The following NCOA1 variants were observed in gnomAD, a reference collection of about 807,000 sequenced individuals.
The protein encoded by NCOA1 is nuclear receptor coactivator 1, also known as Hin-2 protein.
In NCOA1, 35 loss-of-function variants were observed where a neutral mutation model predicts 150.9. That is an observed-to-expected ratio of 0.23 (90% CI 0.18 to 0.31). NCOA1 has a LOEUF of 0.31. NCOA1 is among the 10% of genes least tolerant of loss of function. The pLI is 1.00. For synonymous variants in NCOA1, 590 were observed against 630.0 expected (o/e 0.94, Z 0.95); for missense variants, 1,491 against 1,749.3 (o/e 0.85, Z 2.63).
intron 1 of NCOA1, among the ~76,000 whole-genome samples, chr2:24,497,122 G>C (rs896181965): frequency 9.9e-5 from 15 of 152,182 alleles, no homozygotes; most frequent in Non-Finnish European, 2.1e-4. Flanking sequence ...GGGAAGTTAA[G>C]TGGCTGGCGT....
chr2:24,493,383 A>G (rs141560389), intron 1 of NCOA1, among the ~76,000 whole-genome samples: 229 of 152,372 alleles, frequency 1.5e-3, no homozygotes, highest in African/African-American at 5.1e-3. Context: ...ACTGCTGCTT[A>G]TAAGAACAGG....
intron 3 of NCOA1, among the ~76,000 whole-genome samples, chr2:24,602,955 C>T (rs775090869): frequency 2.3e-4 from 35 of 152,086 alleles, no homozygotes; most frequent in Admixed American, 3.3e-4. Context: ...GGTTTTACTG[C>T]GTATGTATCT....
Position 24,769,167 on chromosome 2 carries a change from G to A in NCOA1, c.*776G>A. The A allele has an allele frequency of 5.0e-6, 1 of 200,948 alleles. No homozygotes were observed. The allele number at this position is 200,948 out of a possible 1,614,324, so 12.4% of individuals were successfully genotyped here. On this transcript the variant is annotated 3_prime_UTR_variant, in exon 23 of 23. Transcript: ENST00000348332. ...ATTAAATCTGGAAAAATAAAAGGCA[G>A]CCTGTTTTTTCTGCTTTTATTGTAT... is the stretch of plus-strand genomic sequence containing the variant.
At chr2:24,616,385 A>C (rs1001040428) in intron 3 of NCOA1, among the ~76,000 whole-genome samples, 7 of 152,192 alleles carry the variant, frequency 4.6e-5, no homozygotes, top group Non-Finnish European at 1.0e-4. Flanking sequence ...ATCTTTCTCC[A>C]ATGTTCCCAA....
At chr2:24,543,805 A>G (rs55847928) in intron 1 of NCOA1, among the ~76,000 whole-genome samples, 8,105 of 152,230 alleles carry the variant, frequency 0.053, 298 homozygotes, top group East Asian at 0.2. Context: ...CCTGAAAGCA[A>G]TGTTAGGGCA....
intron 11 of NCOA1, among the ~76,000 whole-genome samples, chr2:24,699,657 A>C (rs1331454463): frequency 6.6e-6 from 1 of 152,234 alleles, no homozygotes; most frequent in Non-Finnish European, 1.5e-5. Context: ...TGGAGATTCT[A>C]AACAACCTGA....
chr2:24,563,737 T>C (rs1376798028), intron 1 of NCOA1, among the ~76,000 whole-genome samples: 1 of 152,154 alleles, frequency 6.6e-6, no homozygotes, highest in Non-Finnish European at 1.5e-5. Flanking sequence ...AGGCTGGTCT[T>C]GAACTCCTGA....
intron 14 of NCOA1, among the ~76,000 whole-genome samples, chr2:24,720,878 G>A (rs1674328623): frequency 6.6e-6 from 1 of 152,026 alleles, no homozygotes; most frequent in Admixed American, 6.6e-5. Flanking sequence ...GTTTGTGCCC[G>A]CCCAGGAAAA....
chr2:24,621,927 G>T (rs12467454), intron 3 of NCOA1, among the ~76,000 whole-genome samples: 122,744 of 152,150 alleles, frequency 0.81, 51,435 homozygotes, highest in East Asian at 0.99. Flanking sequence ...ATGTTTGACC[G>T]TATACTGTTA....
intron 13 of NCOA1, 47 bp downstream of exon 13, chr2:24,707,935 T>G: frequency 6.5e-7 from 1 of 1,534,842 alleles, no homozygotes; most frequent in Non-Finnish European, 8.7e-7. Context: ...AGTAATTTTT[T>G]TTTTCATTTA....
chr2:24,727,187 A>G (rs1662722450), intron 15 of NCOA1, among the ~76,000 whole-genome samples: 3 of 151,472 alleles, frequency 2.0e-5, no homozygotes, highest in African/African-American at 7.3e-5. Flanking sequence ...AGGGAAAGAC[A>G]CTGAATTAAA....
intron 20 of NCOA1, among the ~76,000 whole-genome samples, chr2:24,753,376 A>C (rs1664342964): frequency 6.6e-6 from 1 of 152,122 alleles, no homozygotes; most frequent in South Asian, 2.1e-4. Flanking sequence ...GGGGAAAAAA[A>C]AAAACAGTCA....
chr2:24,724,361 G>C (rs184337133), intron 14 of NCOA1, among the ~76,000 whole-genome samples: 33 of 152,268 alleles, frequency 2.2e-4, no homozygotes, highest in African/African-American at 7.0e-4. Context: ...CAAAGAGAGA[G>C]AGCCTGTGTA....
chr2:24,640,402 A>G lies in NCOA1; in HGVS notation c.-174-3564A>G, dbSNP rs1224682391. On this transcript the variant is annotated intron_variant, in intron 3 of 22. Coordinates refer to ENST00000348332, the MANE Select transcript of NCOA1 (RefSeq NM_003743.5). ...TTTTAAAAATCTAGTTGTTTTATCT[A>G]TTATTGAGAGAGGAATGTTAAAATC... Among the ~76,000 whole-genome samples, 3 of 152,108 alleles carry G rather than the reference A, an allele frequency of 2.0e-5. No individual in the cohort carries two copies. The South Asian group carries it at 6.2e-4, about 31-fold the overall frequency.
chr2:24,526,714 CAAAA>C (rs11337079), intron 1 of NCOA1, among the ~76,000 whole-genome samples: 9 of 145,652 alleles, frequency 6.2e-5, no homozygotes, highest in Non-Finnish European at 1.2e-4. Context: ...GACCCTTTCT[CAAAA>C]AAAAAAAATT....
chr2:24,522,451 A>T (rs1664454657), intron 1 of NCOA1, among the ~76,000 whole-genome samples: 1 of 152,216 alleles, frequency 6.6e-6, no homozygotes, highest in East Asian at 1.9e-4. Flanking sequence ...GGAACTCTCC[A>T]ACTATAGTAG....
intron 1 of NCOA1, among the ~76,000 whole-genome samples, chr2:24,541,588 T>G (rs147586957): frequency 3.4e-4 from 52 of 152,346 alleles, no homozygotes; most frequent in Non-Finnish European, 6.0e-4. Flanking sequence ...TAGGAGAGGT[T>G]GTGGCCCCAG....
At chr2:24,516,186 C>CTTTTTTTTT (rs755818385) in intron 1 of NCOA1, among the ~76,000 whole-genome samples, 11 of 92,986 alleles carry the variant, frequency 1.2e-4, no homozygotes, top group East Asian at 3.2e-4. Context: ...TAGGTTTTGC[C>CTTTTTTTTT]TTTTTTTTTT....
At chr2:24,702,163 G>A (rs1673196120) in intron 11 of NCOA1, among the ~76,000 whole-genome samples, 1 of 152,308 alleles carries the variant, frequency 6.6e-6, no homozygotes, top group Non-Finnish European at 1.5e-5. Flanking sequence ...CACGGTCCAT[G>A]TAACAACTGA....
Sources: allele counts gnomAD v4.1 joint callset (sites outside exome capture counted in the v4.1 genomes callset), GRCh38; gene constraint gnomAD v4.1.1; transcripts MANE v1.5; gene names NCBI Gene and HGNC (gene_info 2026-07-23, HGNC 2026-07-21).